The following VIPAS39 variants were observed in gnomAD, a reference collection of about 807,000 sequenced individuals.
The protein encoded by VIPAS39 is spermatogenesis-defective protein 39 homolog.
Under a neutral mutation model 84.7 loss-of-function variants are expected in VIPAS39, and 63 were observed. The ratio of observed to expected loss-of-function variants is 0.74; its 90% CI spans 0.61 to 0.92. The LOEUF (loss-of-function observed/expected upper bound fraction) is 0.92. Among genes scored for constraint, VIPAS39 ranks in the 40% least tolerant of loss-of-function variants. The pLI, the probability that VIPAS39 is intolerant of heterozygous loss-of-function variation, is 0.00. For missense variants in VIPAS39, 499 were observed against 604.5 expected (o/e 0.83, Z 1.83); for synonymous variants, 192 against 216.5 (o/e 0.89, Z 0.99).
chr14:77,437,792 T>A lies in VIPAS39; in HGVS notation c.836+16A>T. The A allele has an allele frequency of 6.2e-7, 1 of 1,612,436 alleles. No homozygotes were observed. Among genetic ancestry groups the A allele is most frequent in the Non-Finnish European group, 8.5e-7 (1 of 1,178,446 alleles). On this transcript the variant is annotated intron_variant, in intron 12 of 19. Transcript: ENST00000557658. ...AAAGGTATTTATACTTAAAATCATT[T>A]TTCCCCCATACTTACCCAACACAGG...
chr14:77,434,321 A>C lies in VIPAS39; in HGVS notation c.1048-18T>G. ...AATGTCCCCTAGGATGAAAGTGAAA[A>C]AGGAACTTTAGTGATATTGACTTTC... On this transcript the variant is annotated intron_variant, in intron 14 of 19. Coordinates refer to ENST00000557658, the MANE Select transcript of VIPAS39 (RefSeq NM_001193315.2). 6.2e-7 allele frequency: 1 copy of C among 1,613,810 alleles called. No homozygotes were observed. The highest frequency in any genetic ancestry group is 8.5e-7 in the Non-Finnish European group (1 of 1,179,810).
Position 77,435,426 on chromosome 14 carries a change from A to AAAC in VIPAS39, c.913-34_913-33insGTT, listed in dbSNP as rs773562813. On this transcript the variant is annotated intron_variant, in intron 13 of 19. Coordinates refer to ENST00000557658, the MANE Select transcript of VIPAS39 (RefSeq NM_001193315.2). Reference sequence around the variant, plus strand: ...GGAGTGAGCCAAGTGAAAAAAAAAAAAAACAATGTCCATGGAGTAGAGGCA... The same window carrying AAAC: ...GGAGTGAGCCAAGTGAAAAAAAAAAAAACAAACAATGTCCATGGAGTAGAGGCA... 1.4e-4 allele frequency: 224 copies of AAAC among 1,611,154 alleles called. 2 individuals are homozygous for AAAC. The highest frequency in any genetic ancestry group is 1.9e-4 in the Non-Finnish European group (221 of 1,179,482).
intron 10 of VIPAS39, 157 bp from the exon 11 acceptor site, chr14:77,441,250 G>A: frequency 1.3e-6 from 1 of 787,450 alleles, no homozygotes; most frequent in South Asian, 1.5e-5. Flanking sequence ...TGTTCCCCTG[G>A]TCTCTCTGGC....
intron 16 of VIPAS39, among the ~76,000 whole-genome samples, chr14:77,432,541 T>G (rs912794653): frequency 5.9e-5 from 9 of 151,836 alleles, no homozygotes; most frequent in Admixed American, 2.6e-4. Flanking sequence ...GATGGATGAG[T>G]GGATAAAGAA....
intron 11 of VIPAS39, among the ~76,000 whole-genome samples, chr14:77,439,809 ATATAAT>A (rs961605745): frequency 6.6e-6 from 1 of 152,160 alleles, no homozygotes; most frequent in African/African-American, 2.4e-5. Flanking sequence ...AGTATTATAT[ATATAAT>A]TATGCTGTTC....
intron 3 of VIPAS39, among the ~76,000 whole-genome samples, chr14:77,453,017 T>C (rs148505227): frequency 6.6e-6 from 1 of 152,220 alleles, no homozygotes; most frequent in African/African-American, 2.4e-5. Flanking sequence ...ATCTCTGGGA[T>C]AAAGCCTAGG....
intron 4 of VIPAS39, 71 bp downstream of exon 4, chr14:77,451,116 G>A: frequency 6.2e-7 from 1 of 1,605,848 alleles, no homozygotes; most frequent in South Asian, 1.1e-5. Flanking sequence ...CAAAGTAAAT[G>A]AAAATTATGG....
At chr14:77,441,811 A>AGGTTCTAACCCTT (rs1355610773) in intron 10 of VIPAS39, among the ~76,000 whole-genome samples, 1 of 152,212 alleles carries the variant, frequency 6.6e-6, no homozygotes, top group Non-Finnish European at 1.5e-5. Flanking sequence ...GTCTAAACAG[A>AGGTTCTAACCCTT]GGTTCTAACC....
rs534986228 is a variant in VIPAS39, at chr14:77,445,229, G to T, written c.505-888C>A. ...CTGCCTCAGCCTCCCAAGGTGCTGG[G>T]ATTACAGGCGTGAGCCACCATGCCC... On this transcript the variant is annotated intron_variant, in intron 7 of 19. Coordinates refer to ENST00000557658, the MANE Select transcript of VIPAS39 (RefSeq NM_001193315.2). Among the ~76,000 whole-genome samples the T allele has an allele frequency of 6.6e-5, 10 of 152,284 alleles. No individual in the cohort carries two copies. In the East Asian group the frequency reaches 1.5e-3, roughly 24 times the overall value.
At chr14:77,443,817 G>T (rs1194776932) in intron 8 of VIPAS39, among the ~76,000 whole-genome samples, 3 of 149,364 alleles carry the variant, frequency 2.0e-5, no homozygotes, top group African/African-American at 7.4e-5. Context: ...ATCACACAGT[G>T]AGCCAAGATT....
At position 77,429,200 on chromosome 14, in the gene VIPAS39, T is replaced by A. The variant is rs1594890289; in HGVS notation, c.1267-105A>T. On this transcript the variant is annotated intron_variant, in intron 17 of 19. Transcript: ENST00000557658. ...GAAGAAGGCAAAAGAGTTCAATAGC[T>A]AATGTTTCCAGTTTCCATCATCAAC... 7 of 961,894 alleles carry A rather than the reference T, an allele frequency of 7.3e-6. No homozygotes were observed. The East Asian group carries it at 1.5e-4, about 21-fold the overall frequency. 59.6% of individuals were successfully genotyped at this position (961,894 alleles called of 1,614,324 possible). A position where few individuals can be genotyped will look rare whatever the true frequency, so the allele number is the denominator to read the frequency against.
At chr14:77,448,745 A>G (rs1318591401) in intron 6 of VIPAS39, among the ~76,000 whole-genome samples, 195 bp from the exon 7 acceptor site, 1 of 152,186 alleles carries the variant, frequency 6.6e-6, no homozygotes, top group African/African-American at 2.4e-5. Flanking sequence ...GGCAATATAG[A>G]TAGGAGGAGA....
intron 2 of VIPAS39, among the ~76,000 whole-genome samples, 160 bp from the exon 3 acceptor site, chr14:77,453,561 T>C (rs1347588812): frequency 6.6e-6 from 1 of 152,146 alleles, no homozygotes; most frequent in Non-Finnish European, 1.5e-5. Flanking sequence ...GAAAACAAAC[T>C]GATTTTTAGC....
intron 11 of VIPAS39, among the ~76,000 whole-genome samples, chr14:77,439,803 TTATATA>T (rs1196745724): frequency 6.6e-6 from 1 of 152,040 alleles, no homozygotes; most frequent in Non-Finnish European, 1.5e-5. Context: ...ATTTTCAGTA[TTATATA>T]TATAATTATG....
chr14:77,444,189 G>A, intron 8 of VIPAS39, 60 bp downstream of exon 8: 1 of 1,516,524 alleles, frequency 6.6e-7, no homozygotes, highest in South Asian at 1.1e-5. Context: ...TATTTGATTG[G>A]ATTTTCAGAA....
intron 12 of VIPAS39, 59 bp from the exon 13 acceptor site, chr14:77,435,978 C>T (rs2078605195): frequency 6.4e-7 from 1 of 1,573,058 alleles, no homozygotes; most frequent in East Asian, 2.2e-5. Flanking sequence ...ACAAACCCAA[C>T]TAAACCAAAT....
At chr14:77,447,377 T>C (rs1165601123) in intron 7 of VIPAS39, among the ~76,000 whole-genome samples, 2 of 151,622 alleles carry the variant, frequency 1.3e-5, no homozygotes, top group Non-Finnish European at 2.9e-5. Context: ...ACGGTCTCAC[T>C]ATGTTGCCCA....
chr14:77,435,513 C>T (rs2078596560), intron 13 of VIPAS39, 120 bp from the exon 14 acceptor site: 1 of 1,387,460 alleles, frequency 7.2e-7, no homozygotes, highest in African/African-American at 1.5e-5. Flanking sequence ...AAACAAAGAA[C>T]AGAAAAAGAA....
intron 12 of VIPAS39, among the ~76,000 whole-genome samples, chr14:77,437,189 T>C (rs2078625836): frequency 6.6e-6 from 1 of 152,182 alleles, no homozygotes; most frequent in Admixed American, 6.5e-5. Flanking sequence ...CTGGGTAGAC[T>C]CTACACCTGT....
Sources: gnomAD v4.1 joint callset for allele counts (sites outside exome capture counted in the v4.1 genomes callset) on GRCh38, gnomAD v4.1.1 for gene constraint, MANE v1.5 for transcripts, NCBI Gene and HGNC (gene_info 2026-07-23, HGNC 2026-07-21) for gene names.